AAK1: variants seen among roughly 807,000 people sequenced by gnomAD.
AAK1 encodes the protein AP2-associated protein kinase 1.
AAK1 carries 37 observed loss-of-function variants against 116.0 expected under a neutral mutation model. That is an observed-to-expected ratio of 0.32 (90% CI 0.25 to 0.42). The LOEUF is 0.42. Among genes scored for constraint, AAK1 ranks in the 10% least tolerant of loss-of-function variants. The probability of loss-of-function intolerance (pLI) is 1.00; values close to 1 mark genes in which losing one functional copy is unlikely to be tolerated. For synonymous variants in AAK1, 458 were observed against 439.9 expected (o/e 1.04, Z -0.51); for missense variants, 919 against 1,170.6 (o/e 0.79, Z 3.14).
intron 16 of AAK1, among the ~76,000 whole-genome samples, chr2:69,499,497 A>G (rs1174053153): frequency 6.6e-6 from 1 of 152,190 alleles, no homozygotes; most frequent in Non-Finnish European, 1.5e-5. Flanking sequence ...CACCACTGCA[A>G]TCATGATACA....
intron 4 of AAK1, among the ~76,000 whole-genome samples, chr2:69,543,343 C>G (rs971666439): frequency 3.9e-5 from 6 of 152,138 alleles, no homozygotes; most frequent in African/African-American, 1.2e-4. Flanking sequence ...ATAGTTAATA[C>G]AGTAAGGGCT....
At chr2:69,632,242 G>T (rs373020124) in intron 2 of AAK1, among the ~76,000 whole-genome samples, 8 of 152,164 alleles carry the variant, frequency 5.3e-5, no homozygotes, top group Non-Finnish European at 1.0e-4. Flanking sequence ...TTTACCAACA[G>T]AAGACCAGAA....
intron 2 of AAK1, 54 bp downstream of exon 2, chr2:69,642,824 T>C (rs891344411): frequency 6.2e-7 from 1 of 1,610,074 alleles, no homozygotes; most frequent in Non-Finnish European, 8.5e-7. Flanking sequence ...GAAACCACAG[T>C]ATTGCCGCAT....
chr2:69,511,754 C>A (rs1676404074), intron 13 of AAK1, among the ~76,000 whole-genome samples: 2 of 152,160 alleles, frequency 1.3e-5, no homozygotes, highest in Admixed American at 6.5e-5. Context: ...AGGTTGATGG[C>A]ATAAAGGAAA....
intron 5 of AAK1, among the ~76,000 whole-genome samples, chr2:69,532,590 T>C (rs1307343457): frequency 6.6e-6 from 1 of 151,864 alleles, no homozygotes; most frequent in South Asian, 2.1e-4. Context: ...TGCCATGTCC[T>C]TTTTGAAACT....
Position 69,514,665 on chromosome 2 carries a change from T to C in AAK1, c.1582A>G (p.Met528Val), listed in dbSNP as rs368207049. 6 of 1,613,218 alleles carry C rather than the reference T, an allele frequency of 3.7e-6. No homozygotes were observed. In the African/African-American group the frequency reaches 6.7e-5, roughly 18 times the overall value. ...TGCTGCTGCTGGTAGAAATTCTGCA[T>C]TAGCTGCTGTTGAGAGCCTCCTTGG... ...VSQGGSQQQLMQNFYQQQQQQ... is the reference protein window; with the variant it reads ...VSQGGSQQQLVQNFYQQQQQQ... Residue 528 changes from methionine to valine, a missense_variant, in exon 13 of 22, where the codon ATG (methionine) becomes GTG (valine). Coordinates refer to ENST00000409085, the MANE Select transcript of AAK1 (RefSeq NM_014911.5).
chr2:69,643,548 T>C, intron 1 of AAK1, 27 bp downstream of exon 1: 1 of 1,227,422 alleles, frequency 8.1e-7, no homozygotes. Context: ...CCGCCGCCCC[T>C]CGAGGCGGCA....
intron 2 of AAK1, among the ~76,000 whole-genome samples, chr2:69,621,335 C>A (rs539325811): frequency 6.6e-6 from 1 of 152,054 alleles, no homozygotes; most frequent in Non-Finnish European, 1.5e-5. Flanking sequence ...AAAGATTAGC[C>A]GGGCTTGGTG....
intron 2 of AAK1, among the ~76,000 whole-genome samples, chr2:69,634,793 A>C (rs1181065437): frequency 6.6e-6 from 1 of 152,144 alleles, no homozygotes; most frequent in Non-Finnish European, 1.5e-5. Flanking sequence ...CATCTAGTTC[A>C]CCATCTTTAC....
At position 69,593,521 on chromosome 2, in the gene AAK1, A is replaced by G. The variant is rs544179625; in HGVS notation, c.164-36543T>C. On this transcript the variant is annotated intron_variant, in intron 2 of 21. Transcript: ENST00000409085. Reference sequence around the variant, plus strand: ...TAACATGTATTTTATATAATATGCAAATATATCTTATTATATACTATCTTT... The same window carrying G: ...TAACATGTATTTTATATAATATGCAGATATATCTTATTATATACTATCTTT... 3.3e-5 allele frequency among the ~76,000 whole-genome samples: 5 copies of G among 151,748 alleles called. No homozygotes were observed. The East Asian group carries it at 9.6e-4, about 29-fold the overall frequency.
Position 69,479,040 on chromosome 2 carries a change from G to A in AAK1, c.2591C>T (p.Ser864Phe), listed in dbSNP as rs761855107. Residue 864 changes from serine (S) to phenylalanine (F), a missense_variant, in exon 20 of 22, where the codon TCC (serine) becomes TTC (phenylalanine). Around this residue, in one of 4 missense-constraint regions of AAK1, gnomAD observed 263 missense variants for 285.5 expected, o/e 0.92. Coordinates refer to ENST00000409085, the MANE Select transcript of AAK1 (RefSeq NM_014911.5). ...AGAGAGCAGAGAGCAATCAAGCAGG[G>A]AATCTTCCCCGGTGAGAGAATCTGA... is the stretch of plus-strand genomic sequence containing the variant. ...NRTDSLTGED[S>F]LLDCSLLSNP... The A allele has an allele frequency of 1.7e-5, 28 of 1,613,454 alleles. No individual in the cohort carries two copies. Among genetic ancestry groups the A allele is most frequent in the Non-Finnish European group, 2.4e-5 (28 of 1,179,560 alleles).
chr2:69,604,880 G>T (rs1449489142), intron 2 of AAK1, among the ~76,000 whole-genome samples: 2 of 152,086 alleles, frequency 1.3e-5, no homozygotes, highest in African/African-American at 4.8e-5. Flanking sequence ...TCTAAATTTT[G>T]GCTAATGGAG....
chr2:69,515,775 C>T (rs1433344127), intron 12 of AAK1, among the ~76,000 whole-genome samples: 2 of 151,630 alleles, frequency 1.3e-5, no homozygotes, highest in Non-Finnish European at 2.9e-5. Flanking sequence ...TTATTAGAGT[C>T]AATTGGGAGG....
At chr2:69,573,075 A>G (rs561068085) in intron 2 of AAK1, among the ~76,000 whole-genome samples, 1 of 152,256 alleles carries the variant, frequency 6.6e-6, no homozygotes, top group Admixed American at 6.5e-5. Flanking sequence ...CAACCTAAAA[A>G]CCAAATGAGT....
At chr2:69,597,906 T>C (rs1232774694) in intron 2 of AAK1, 1 of 220,012 alleles carries the variant, frequency 4.5e-6, no homozygotes. Flanking sequence ...TTTCTCATCA[T>C]CCCAGTAACT....
At chr2:69,639,785 T>C (rs542819752) in intron 2 of AAK1, among the ~76,000 whole-genome samples, 11 of 152,270 alleles carry the variant, frequency 7.2e-5, no homozygotes, top group Admixed American at 4.6e-4. Flanking sequence ...ACAACTCCTG[T>C]GGTCCTTAAA....
chr2:69,634,517 G>C (rs1675364035), intron 2 of AAK1, among the ~76,000 whole-genome samples: 1 of 152,238 alleles, frequency 6.6e-6, no homozygotes, highest in African/African-American at 2.4e-5. Context: ...CTCTGTCTGA[G>C]ATGCTATGGC....
intron 2 of AAK1, among the ~76,000 whole-genome samples, chr2:69,639,842 G>C (rs564911593): frequency 2.0e-5 from 3 of 152,110 alleles, no homozygotes; most frequent in Non-Finnish European, 2.9e-5. Context: ...GGGACTCACA[G>C]AGAAGAGAGT....
At chr2:69,504,235 A>G (rs1676088633) in intron 16 of AAK1, among the ~76,000 whole-genome samples, 1 of 151,084 alleles carries the variant, frequency 6.6e-6, no homozygotes, top group Non-Finnish European at 1.5e-5. Context: ...CATCTCTACT[A>G]AAACTACAAA....
Sources: gnomAD v4.1 joint callset for allele counts (sites outside exome capture counted in the v4.1 genomes callset) on GRCh38, gnomAD v4.1.1 for gene constraint, gnomAD v4.1.1 regional missense constraint, MANE v1.5 for transcripts, NCBI Gene and HGNC (gene_info 2026-07-23, HGNC 2026-07-21) for gene names.